Variants in COL25A1 observed in about 807,000 individuals in gnomAD.
The protein encoded by COL25A1 is collagen type XXV alpha 1 chain.
COL25A1 carries 103 observed loss-of-function variants against 128.4 expected under a neutral mutation model. The ratio of observed to expected loss-of-function variants is 0.80; its 90% CI spans 0.68 to 0.94. The LOEUF (loss-of-function observed/expected upper bound fraction) is 0.94, where lower values mean the gene tolerates loss of function less well. Among genes scored for constraint, COL25A1 ranks in the 40% least tolerant of loss-of-function variants. The probability of loss-of-function intolerance (pLI) is 0.00; values close to 1 mark genes in which losing one functional copy is unlikely to be tolerated. For synonymous variants in COL25A1, 279 were observed against 277.2 expected, an observed-to-expected ratio of 1.01 and a Z score of -0.06; for missense variants, 745 against 840.0, an observed-to-expected ratio of 0.89 and a Z score of 1.40.
chr4:108,829,384 T>C (rs1053870771), intron 32 of COL25A1, among the ~76,000 whole-genome samples: 5 of 115,086 alleles, frequency 4.3e-5, no homozygotes, highest in African/African-American at 1.7e-4. Flanking sequence ...TATGTGTAAG[T>C]GTGTATCTAT....
At chr4:108,869,327 T>C (rs562404632) in intron 19 of COL25A1, among the ~76,000 whole-genome samples, 177 bp from the exon 20 acceptor site, 54 of 152,324 alleles carry the variant, frequency 3.5e-4, no homozygotes, top group Non-Finnish European at 6.6e-4. Flanking sequence ...CATTTGGCTG[T>C]TCATTTTTAT....
At chr4:108,886,079 C>T (rs1448041697) in intron 18 of COL25A1, among the ~76,000 whole-genome samples, 2 of 152,160 alleles carry the variant, frequency 1.3e-5, no homozygotes. Flanking sequence ...CTTTTCTCTA[C>T]ATCATATGTG....
intron 3 of COL25A1, among the ~76,000 whole-genome samples, chr4:109,285,620 T>C (rs1235015395): frequency 6.6e-6 from 1 of 152,224 alleles, no homozygotes; most frequent in Non-Finnish European, 1.5e-5. Context: ...GAATGCTGAC[T>C]CGAGAGAGCT....
intron 22 of COL25A1, among the ~76,000 whole-genome samples, chr4:108,862,116 A>G (rs1465450786): frequency 1.3e-5 from 2 of 152,230 alleles, no homozygotes; most frequent in African/African-American, 4.8e-5. Flanking sequence ...TAATGCAACG[A>G]AGGGAGTCAA....
chr4:108,908,801 G>A (rs1387320806), intron 13 of COL25A1, among the ~76,000 whole-genome samples: 1 of 152,136 alleles, frequency 6.6e-6, no homozygotes, highest in East Asian at 1.9e-4. Flanking sequence ...TAATTTGGTG[G>A]GTAGGGGGCC....
chr4:108,825,477 A>C (rs990900278), intron 33 of COL25A1, among the ~76,000 whole-genome samples: 1 of 152,118 alleles, frequency 6.6e-6, no homozygotes, highest in African/African-American at 2.4e-5. Flanking sequence ...TCAGTCCAGG[A>C]GTTAAATTAA....
chr4:109,200,562 A>T (rs1776481434), intron 3 of COL25A1, among the ~76,000 whole-genome samples: 1 of 151,784 alleles, frequency 6.6e-6, no homozygotes, highest in South Asian at 2.1e-4. Context: ...GGTTCAAGTG[A>T]TTCTCCTGCC....
At chr4:109,232,667 A>G (rs1560906004) in intron 3 of COL25A1, among the ~76,000 whole-genome samples, 1 of 152,202 alleles carries the variant, frequency 6.6e-6, no homozygotes, top group African/African-American at 2.4e-5. Context: ...TGAGATATAT[A>G]TAAGTAACCT....
intron 5 of COL25A1, among the ~76,000 whole-genome samples, chr4:109,012,119 C>T (rs2126047466): frequency 6.6e-6 from 1 of 152,312 alleles, no homozygotes; most frequent in East Asian, 1.9e-4. Context: ...CTCAAGTGAT[C>T]CTTTGACTTC....
intron 3 of COL25A1, among the ~76,000 whole-genome samples, chr4:109,254,469 T>TTATATATATATATATATATATATA (rs55997800): frequency 4.0e-4 from 24 of 59,548 alleles, no homozygotes; most frequent in South Asian, 9.9e-4. Flanking sequence ...AGGCATATGT[T>TTATATATATATATATATATATATA]TATATATATA....
At chr4:109,154,476 G>T (rs1013337740) in intron 3 of COL25A1, among the ~76,000 whole-genome samples, 1 of 152,184 alleles carries the variant, frequency 6.6e-6, no homozygotes, top group African/African-American at 2.4e-5. Context: ...CAAAGCTCAA[G>T]GGAGGAGTGG....
chr4:109,301,527 G>A (rs766974616), intron 2 of COL25A1, among the ~76,000 whole-genome samples, 196 bp downstream of exon 2: 17 of 152,150 alleles, frequency 1.1e-4, no homozygotes, highest in African/African-American at 3.4e-4. Context: ...TTAGAGATAG[G>A]GATGGGGACA....
chr4:109,206,394 A>G (rs1560865949), intron 3 of COL25A1, among the ~76,000 whole-genome samples: 1 of 152,202 alleles, frequency 6.6e-6, no homozygotes, highest in Non-Finnish European at 1.5e-5. Flanking sequence ...ATGAAAATAA[A>G]TGAAATAACC....
intron 3 of COL25A1, among the ~76,000 whole-genome samples, chr4:109,115,827 C>T (rs781581082): frequency 6.6e-6 from 1 of 151,928 alleles, no homozygotes; most frequent in Non-Finnish European, 1.5e-5. Flanking sequence ...AAAAGGAGCA[C>T]GAGATGGAGA....
At chr4:109,283,044 T>G (rs942376343) in intron 3 of COL25A1, among the ~76,000 whole-genome samples, 2 of 152,128 alleles carry the variant, frequency 1.3e-5, no homozygotes, top group African/African-American at 2.4e-5. Context: ...TTAATGAACA[T>G]AAGAACAAGC....
intron 3 of COL25A1, among the ~76,000 whole-genome samples, chr4:109,216,973 G>A (rs1778043410): frequency 6.6e-6 from 1 of 151,974 alleles, no homozygotes; most frequent in Non-Finnish European, 1.5e-5. Flanking sequence ...GATGCAATAG[G>A]AATTTTAAAA....
intron 32 of COL25A1, among the ~76,000 whole-genome samples, chr4:108,831,888 G>A (rs1219542305): frequency 6.6e-6 from 1 of 152,106 alleles, no homozygotes; most frequent in East Asian, 1.9e-4. Flanking sequence ...TATGGTTAAA[G>A]AAAAACAGCC....
intron 3 of COL25A1, among the ~76,000 whole-genome samples, chr4:109,245,520 G>T (rs1458643096): frequency 6.6e-6 from 1 of 152,098 alleles, no homozygotes; most frequent in East Asian, 1.9e-4. Context: ...CAGACAAGCA[G>T]GGAAAGAATC....
intron 3 of COL25A1, among the ~76,000 whole-genome samples, chr4:109,281,561 C>T (rs1027080326): frequency 6.6e-6 from 1 of 152,068 alleles, no homozygotes; most frequent in Non-Finnish European, 1.5e-5. Flanking sequence ...GTCAAACCAC[C>T]TTAGGAATGT....
Sources: allele counts gnomAD v4.1 joint callset (sites outside exome capture counted in the v4.1 genomes callset), GRCh38; gene constraint gnomAD v4.1.1; transcripts MANE v1.5; gene names NCBI Gene and HGNC (gene_info 2026-07-23, HGNC 2026-07-21).